The following MYRF variants were observed in gnomAD, a reference collection of about 807,000 sequenced individuals.
MYRF encodes myelin regulatory factor.
A neutral mutation model predicts 126.3 loss-of-function variants in MYRF; 16 were observed. The observed-to-expected ratio is 0.13, with a 90% CI of 0.09 to 0.19. The LOEUF is 0.19. Ranked by LOEUF, MYRF falls within the 10% of genes least tolerant of loss-of-function variation. The probability of loss-of-function intolerance (pLI) is 1.00; values close to 1 mark genes in which losing one functional copy is unlikely to be tolerated. For missense variants in MYRF, 1,104 were observed against 1,547.0 expected (o/e 0.71, Z 4.80); for synonymous variants, 608 against 635.3 (o/e 0.96, Z 0.65).
In MYRF at chr11:61,778,256, G is replaced by A. The variant is rs993726496; in HGVS notation, c.1904-124G>A. ...GGATCTCCCTGCTCCAGGGCTCCTTGGAATCCAAATCTCTGGGTTCCAGAA... is the reference window on the plus strand; with the variant it reads ...GGATCTCCCTGCTCCAGGGCTCCTTAGAATCCAAATCTCTGGGTTCCAGAA... On this transcript the variant is annotated intron_variant, in intron 13 of 26. Transcript: ENST00000278836. The surrounding 1 kb of genome is among the most constrained non-coding windows in gnomAD (Gnocchi z 4.6). 10 of 719,392 alleles carry A rather than the reference G, an allele frequency of 1.4e-5. No individual in the cohort carries two copies. The highest frequency in any genetic ancestry group is 2.3e-5 in the Non-Finnish European group (9 of 399,546). 44.6% of individuals were successfully genotyped at this position (719,392 alleles called of 1,614,324 possible).
Position 61,774,120 on chromosome 11 carries a change from C to T in MYRF, c.1269C>T (p.Leu423=), listed in dbSNP as rs143059056. Residue 423 remains leucine, a synonymous_variant, in exon 8 of 27, where the codon CTC becomes CTT. Transcript: ENST00000278836. ...EPKYVKTPEG[L]KPLDCFYLKL... ...AGTACGTCAAGACGCCCGAGGGCCT[C>T]AAGCCCCTCGACTGCTTCTATCTGA... 4,064 of 1,613,526 alleles carry T rather than the reference C, an allele frequency of 2.5e-3. 130 individuals are homozygous for T. The South Asian group carries it at 0.04, about 16-fold the overall frequency.
intron 19 of MYRF, 83 bp from the exon 20 acceptor site, chr11:61,780,877 C>G: frequency 6.3e-7 from 1 of 1,585,408 alleles, no homozygotes; most frequent in South Asian, 1.1e-5. Flanking sequence ...CTCTTCCTGC[C>G]CTCCTGCCTC....
At chr11:61,780,922 C>A in intron 19 of MYRF, 38 bp from the exon 20 acceptor site, 7 of 1,606,608 alleles carry the variant, frequency 4.4e-6, no homozygotes, top group Non-Finnish European at 5.1e-6. Context: ...CTCAAGCTCT[C>A]CCAGCCCCTC....
chr11:61,757,018 G>A lies in MYRF; in HGVS notation c.46+4228G>A. ...TTTGCCCTCCCTGATAAGGAACTGG[G>A]AGCAGAAATTATTAACTGAATCATT... is the stretch of plus-strand genomic sequence containing the variant. On this transcript the variant is annotated intron_variant, in intron 1 of 26. Coordinates refer to ENST00000278836, the MANE Select transcript of MYRF (RefSeq NM_001127392.3). The surrounding 1 kb of genome is among the most constrained non-coding windows in gnomAD (Gnocchi z 4.7). The A allele has an allele frequency of 2.6e-6, 1 of 382,454 alleles. No individual in the cohort carries two copies. Among genetic ancestry groups the A allele is most frequent in the Admixed American group, 3.0e-5 (1 of 32,884 alleles). 23.7% of individuals were successfully genotyped at this position (382,454 alleles called of 1,614,324 possible).
At position 61,778,980 on chromosome 11, in the gene MYRF, G is replaced by T; in HGVS notation, c.2014-283G>T. The T allele has an allele frequency of 1.6e-6, 1 of 637,944 alleles. No individual in the cohort carries two copies. Among genetic ancestry groups the T allele is most frequent in the Non-Finnish European group, 2.9e-6 (1 of 343,942 alleles). The allele number at this position is 637,944 out of a possible 1,614,324, so 39.5% of individuals were successfully genotyped here. A position where few individuals can be genotyped will look rare whatever the true frequency, so the allele number is the denominator to read the frequency against. On this transcript the variant is annotated intron_variant, in intron 14 of 26. Coordinates refer to ENST00000278836, the MANE Select transcript of MYRF (RefSeq NM_001127392.3). This position sits in a 1 kb window ranked among gnomAD's most constrained non-coding sequence, Gnocchi z 4.6. The stretch of plus-strand genomic sequence containing the variant: ...CCGGGGCTGCAGCCTTCAGGCTTAG[G>T]AGAGGAGAGCTCTGGCAGGGAGTGG...
chr11:61,766,253 C>T (rs761380937), intron 3 of MYRF, 32 bp downstream of exon 3: 18 of 1,568,672 alleles, frequency 1.1e-5, no homozygotes, highest in East Asian at 4.5e-5. Flanking sequence ...GGGGATACAG[C>T]GGCATAGGGG....
chr11:61,763,864 C>CAA (rs900290691), intron 1 of MYRF, among the ~76,000 whole-genome samples: 1 of 145,542 alleles, frequency 6.9e-6, no homozygotes, highest in African/African-American at 2.5e-5. Context: ...GACTCAGTCT[C>CAA]AAAAAAAAAA....
intron 7 of MYRF, 67 bp from the exon 8 acceptor site, chr11:61,773,900 T>A (rs960600395): frequency 2.1e-6 from 3 of 1,406,934 alleles, no homozygotes; most frequent in African/African-American, 2.9e-5. Context: ...ACCCAGCAGG[T>A]AGGAGGAACC....
intron 3 of MYRF, 114 bp downstream of exon 3, chr11:61,766,335 T>A: frequency 8.5e-7 from 1 of 1,174,630 alleles, no homozygotes; most frequent in Non-Finnish European, 1.2e-6. Flanking sequence ...ATGGGCTGGG[T>A]GACTGGCTGT....
intron 1 of MYRF, among the ~76,000 whole-genome samples, chr11:61,758,978 AG>A (rs1393688838): frequency 6.6e-6 from 1 of 152,188 alleles, no homozygotes; most frequent in African/African-American, 2.4e-5. Context: ...ATGTGTGAGT[AG>A]GGGGCAGGTG....
At chr11:61,760,025 G>A (rs2065860784) in intron 1 of MYRF, among the ~76,000 whole-genome samples, 2 of 151,976 alleles carry the variant, frequency 1.3e-5, no homozygotes, top group Middle Eastern at 6.8e-3. Context: ...CTGGAGTGTG[G>A]TGGCACGATC....
At chr11:61,762,982 G>C (rs2065941863) in intron 1 of MYRF, among the ~76,000 whole-genome samples, 1 of 152,176 alleles carries the variant, frequency 6.6e-6, no homozygotes. Flanking sequence ...CCTATCCCGA[G>C]GGAGGTGGGC....
In MYRF at chr11:61,781,708, G is replaced by T. The variant is rs780295176; in HGVS notation, c.2900G>T (p.Gly967Val). ...GCCAGCCCTGCAGTCCCCTTCCCTG[G>T]GGGGCAGGGCAAAGCCAAGAACAGT... is the stretch of plus-strand genomic sequence containing the variant. ...PLASPAVPFP[G>V]GQGKAKNSPS... Residue 967 changes from glycine to valine, a missense_variant, in exon 22 of 27, where the codon GGG (glycine) becomes GTG (valine). Gly to Val is a moderately radical substitution (Grantham distance 109). Transcript: ENST00000278836. The T allele has an allele frequency of 1.6e-5, 26 of 1,613,358 alleles. No individual in the cohort carries two copies. In the Admixed American group the frequency reaches 4.0e-4, roughly 25 times the overall value.
rs764114118 is a variant in MYRF at position 61,777,434 on chromosome 11, C to G, written c.1761C>G (p.Ser587=). 6.2e-7 allele frequency: 1 copy of G among 1,612,934 alleles called. No individual in the cohort carries two copies. Among genetic ancestry groups the G allele is most frequent in the Non-Finnish European group, 8.5e-7 (1 of 1,179,676 alleles). Residue 587 remains serine, a synonymous_variant, in exon 12 of 27, where the codon TCC becomes TCG. Transcript: ENST00000278836. The surrounding 1 kb of genome is among the most constrained non-coding windows in gnomAD (Gnocchi z 8.8). ...TCATGGGCTCGCTTATGCACCCCTC[C>G]GACCTGCGCGCCAAGGAACACGTGC... ...VKVMGSLMHP[S]DLRAKEHVQE... is the part of the protein sequence containing the mutation.
At chr11:61,784,047 A>C in intron 24 of MYRF, 122 bp downstream of exon 24, 2 of 1,244,774 alleles carry the variant, frequency 1.6e-6, no homozygotes, top group Non-Finnish European at 2.3e-6. Flanking sequence ...GCATGGTGGG[A>C]TAAGTGCTGA....
Position 61,776,388 on chromosome 11 carries a change from C to G in MYRF, c.1455C>G (p.Thr485=), listed in dbSNP as rs775151621. 4.3e-6 allele frequency: 7 copies of G among 1,612,996 alleles called. No individual in the cohort carries two copies. In the East Asian group the frequency reaches 6.7e-5, roughly 15 times the overall value. The change falls in exon 10 of 27, where the codon ACC becomes ACG. Residue 485 remains threonine (T), a synonymous_variant. Transcript: ENST00000278836. The surrounding 1 kb of genome is among the most constrained non-coding windows in gnomAD (Gnocchi z 4.3). ...TVGRLHFSET[T]ANNMRKKGKP... ...GGCGGCTGCACTTCAGCGAGACCAC[C>G]GCTAACAACATGCGTAAGAAGGGCA... is the stretch of plus-strand genomic sequence containing the variant.
rs2066450996 is a variant in MYRF at position 61,778,585 on chromosome 11, G to A, written c.2013+96G>A. 2 of 917,316 alleles carry A rather than the reference G, an allele frequency of 2.2e-6. No individual in the cohort carries two copies. The highest frequency in any genetic ancestry group is 3.6e-6 in the Non-Finnish European group (2 of 556,600). The allele number at this position is 917,316 out of a possible 1,614,324, so 56.8% of individuals were successfully genotyped here. On this transcript the variant is annotated intron_variant, in intron 14 of 26. Coordinates refer to ENST00000278836, the MANE Select transcript of MYRF (RefSeq NM_001127392.3). The surrounding 1 kb of genome is among the most constrained non-coding windows in gnomAD (Gnocchi z 4.6). ...CCATAGATACTGGGGGCACTGCAAA[G>A]CAGAGGCAGGAGCACCCTCGGCTCT...
At chr11:61,754,925 G>A (rs1186769317) in intron 1 of MYRF, among the ~76,000 whole-genome samples, 1 of 152,228 alleles carries the variant, frequency 6.6e-6, no homozygotes, top group Non-Finnish European at 1.5e-5. Flanking sequence ...GAAGGCCTGG[G>A]AGTGGCAGGG....
At chr11:61,769,984 G>C (rs539349007) in intron 4 of MYRF, among the ~76,000 whole-genome samples, 2 of 152,154 alleles carry the variant, frequency 1.3e-5, no homozygotes, top group South Asian at 2.1e-4. Context: ...GATTTGGGTT[G>C]GATTCTCCTG....
Sources: allele counts gnomAD v4.1 joint callset (sites outside exome capture counted in the v4.1 genomes callset), GRCh38; gene constraint gnomAD v4.1.1; non-coding constraint Gnocchi (gnomAD v3.1); transcripts MANE v1.5; gene names NCBI Gene and HGNC (gene_info 2026-07-23, HGNC 2026-07-21).